VRK2: variants seen among roughly 807,000 people sequenced by gnomAD.
VRK2 encodes the protein serine/threonine-protein kinase VRK2.
In VRK2, 60 loss-of-function variants were observed where a neutral mutation model predicts 57.6. The observed-to-expected ratio is 1.04, with a 90% confidence interval of 0.85 to 1.29. The LOEUF is 1.29. Ranked by LOEUF, VRK2 falls within the 50% of genes most tolerant of loss-of-function variation. The pLI is 0.00. For synonymous variants in VRK2, 231 were observed against 199.2 expected (o/e 1.16, Z -1.35); for missense variants, 705 against 588.1 (o/e 1.20, Z -2.06).
In VRK2 at chr2:57,938,367, T is replaced by G. The variant is rs375318767; in HGVS notation, c.-439+30528T>G. On this transcript the variant is annotated intron_variant, in intron 1 of 15. Transcript: ENST00000417641. ...CATGGGCAAGACACAGTCTTGGAAA[T>G]CTTCAAGGAACTTATAACCCAGTGG... is the stretch of plus-strand genomic sequence containing the variant. Among the ~76,000 whole-genome samples, 78 of 152,290 alleles carry G rather than the reference T, an allele frequency of 5.1e-4. 1 individual carries two copies. The highest frequency in any genetic ancestry group is 1.8e-3 in the African/African-American group (75 of 41,560).
At position 58,005,459 on chromosome 2, in the gene VRK2, T is replaced by C. The variant is rs550181248; in HGVS notation, c.-438-20206T>C. ...GTTTCTGGTCTTCTAAATATTGATA[T>C]TTTTATAAAATTTGGATTATATGTT... is the stretch of plus-strand genomic sequence containing the variant. On this transcript the variant is annotated intron_variant, in intron 1 of 15. Coordinates refer to the VRK2 transcript ENST00000417641. Among the ~76,000 whole-genome samples, 3 of 152,218 alleles carry C rather than the reference T, an allele frequency of 2.0e-5. No individual in the cohort carries two copies. In the South Asian group the frequency reaches 6.2e-4, roughly 32 times the overall value.
At chr2:57,912,425 G>GT (rs539874725) in intron 1 of VRK2, among the ~76,000 whole-genome samples, 121 of 150,438 alleles carry the variant, frequency 8.0e-4, no homozygotes, top group Admixed American at 1.4e-3. Context: ...TCAGGAAGAA[G>GT]TTTTTTTTTT....
chr2:58,129,083 A>G (rs1678790144), intron 8 of VRK2, among the ~76,000 whole-genome samples: 1 of 152,224 alleles, frequency 6.6e-6, no homozygotes, highest in Admixed American at 6.5e-5. Flanking sequence ...TAAGCTCAAT[A>G]TAAGTTAGAT....
At chr2:58,042,498 C>T (rs750381046), upstream of VRK2, among the ~76,000 whole-genome samples, 20 of 152,072 alleles carry the variant, frequency 1.3e-4, no homozygotes, top group Non-Finnish European at 2.1e-4. Flanking sequence ...ATATGATCTC[C>T]TTATCTCACT....
intron 1 of VRK2, among the ~76,000 whole-genome samples, chr2:57,923,754 T>A (rs1042034551): frequency 5.3e-5 from 8 of 152,104 alleles, no homozygotes; most frequent in African/African-American, 1.9e-4. Flanking sequence ...TTATCCCCTT[T>A]TGCTTTGGTT....
intron 12 of VRK2, among the ~76,000 whole-genome samples, chr2:58,150,542 G>C (rs1294302605): frequency 1.5e-5 from 2 of 136,218 alleles, no homozygotes; most frequent in Non-Finnish European, 3.1e-5. Context: ...TCAAAGACCA[G>C]CTTTGGTTTT....
At chr2:57,919,860 C>T (rs1670281931) in intron 1 of VRK2, among the ~76,000 whole-genome samples, 1 of 152,022 alleles carries the variant, frequency 6.6e-6, no homozygotes, top group African/African-American at 2.4e-5. Flanking sequence ...ACAGAGATCA[C>T]ATACCTCTTA....
In VRK2 at chr2:58,140,144, A is replaced by G. The variant is rs958317311; in HGVS notation, c.1023+312A>G. Among the ~76,000 whole-genome samples the G allele has an allele frequency of 1.3e-5, 2 of 152,028 alleles. 1 individual carries two copies. The highest frequency in any genetic ancestry group is 2.9e-5 in the Non-Finnish European group (2 of 67,964). On this transcript the variant is annotated intron_variant, in intron 11 of 12. Coordinates refer to ENST00000340157, the MANE Select transcript of VRK2 (RefSeq NM_006296.7). ...AAGCCATCATTTGCTTCTTTTCTCC[A>G]GGTTTTCTTTAGATATTGCCCTGTG...
Position 58,088,430 on chromosome 2 carries a change from A to G in VRK2, c.434A>G (p.Gln145Arg). The G allele has an allele frequency of 1.9e-6, 3 of 1,610,958 alleles. No homozygotes were observed. The highest frequency in any genetic ancestry group is 2.5e-6 in the Non-Finnish European group (3 of 1,177,774). The change falls in exon 6 of 13, where the codon CAA (glutamine) becomes CGA (arginine). Residue 145 changes from glutamine to arginine, a missense_variant. Transcript: ENST00000340157. ...NGTFKKSTVL[Q>R]LGIRMLDVLE... ...ACCTTTAAAAAGTCAACTGTCCTGC[A>G]ATTAGGTATCCGAATGGTAAGAATT...
At chr2:57,921,701 A>T (rs545632264) in intron 1 of VRK2, among the ~76,000 whole-genome samples, 1 of 152,174 alleles carries the variant, frequency 6.6e-6, no homozygotes, top group Non-Finnish European at 1.5e-5. Context: ...GTAAGTTCCC[A>T]GTAAAGATGA....
intron 2 of VRK2, among the ~76,000 whole-genome samples, chr2:58,060,824 C>G (rs1353601778): frequency 1.3e-5 from 2 of 151,782 alleles, no homozygotes; most frequent in African/African-American, 2.4e-5. Context: ...TACTTCAGCT[C>G]TCACTTCATA....
At chr2:58,131,476 C>T (rs971363804) in intron 8 of VRK2, among the ~76,000 whole-genome samples, 8 of 151,974 alleles carry the variant, frequency 5.3e-5, no homozygotes, top group African/African-American at 1.5e-4. Flanking sequence ...TACTGCTTGG[C>T]TCTTTGAGAA....
chr2:58,116,784 C>A (rs1236741163), intron 7 of VRK2, among the ~76,000 whole-genome samples: 3 of 152,158 alleles, frequency 2.0e-5, no homozygotes, highest in African/African-American at 4.8e-5. Flanking sequence ...TCCGATTTCC[C>A]ATGGGGTCCC....
intron 1 of VRK2, among the ~76,000 whole-genome samples, chr2:58,020,373 T>C (rs2103670194): frequency 6.6e-6 from 1 of 152,228 alleles, no homozygotes; most frequent in East Asian, 1.9e-4. Context: ...GTCTGGCTAA[T>C]TTTTTAATAT....
chr2:58,120,019 T>G (rs1677179060), intron 7 of VRK2, among the ~76,000 whole-genome samples: 1 of 151,714 alleles, frequency 6.6e-6, no homozygotes, highest in Admixed American at 6.6e-5. Context: ...ACAGCAAGTG[T>G]TGTTGGAGAG....
chr2:58,121,975 A>G (rs899837517), intron 7 of VRK2, among the ~76,000 whole-genome samples: 3 of 152,188 alleles, frequency 2.0e-5, no homozygotes, highest in Non-Finnish European at 2.9e-5. Context: ...TTTTCTCTCC[A>G]AAAGTAATCT....
chr2:58,071,356 A>G (rs781300571), intron 2 of VRK2, among the ~76,000 whole-genome samples: 41 of 152,158 alleles, frequency 2.7e-4, no homozygotes, highest in Non-Finnish European at 5.7e-4. Flanking sequence ...TTTTGGTATT[A>G]TATCTGTAAA....
At chr2:57,930,716 T>C (rs1236201840) in intron 1 of VRK2, among the ~76,000 whole-genome samples, 1 of 152,182 alleles carries the variant, frequency 6.6e-6, no homozygotes, top group Non-Finnish European at 1.5e-5. Flanking sequence ...TGAAAGCTTA[T>C]ACCCATGGAC....
chr2:57,928,622 G>C (rs1180507227), intron 1 of VRK2, among the ~76,000 whole-genome samples: 1 of 152,162 alleles, frequency 6.6e-6, no homozygotes, highest in East Asian at 1.9e-4. Context: ...CAGCATTCAA[G>C]AGTTAAATAT....
Sources: gnomAD v4.1 joint callset for allele counts (sites outside exome capture counted in the v4.1 genomes callset) on GRCh38, gnomAD v4.1.1 for gene constraint, MANE v1.5 for transcripts, NCBI Gene and HGNC (gene_info 2026-07-23, HGNC 2026-07-21) for gene names.